OTC: variants seen among roughly 807,000 people sequenced by gnomAD.
OTC encodes ornithine transcarbamylase.
Under a neutral mutation model 30.3 loss-of-function variants are expected in OTC, and 3 were observed. The observed-to-expected ratio is 0.10, with a 90% CI of 0.05 to 0.26. OTC has a LOEUF of 0.26. Ranked by LOEUF, OTC falls within the 10% of genes least tolerant of loss-of-function variation. The probability of loss-of-function intolerance (pLI) is 1.00; values close to 1 mark genes in which losing one functional copy is unlikely to be tolerated. For missense variants in OTC, 194 were observed against 260.3 expected (o/e 0.75, Z 1.75); for synonymous variants, 111 against 99.7 (o/e 1.11, Z -0.67).
intron 2 of OTC, 43 bp downstream of exon 2, chrX:38,367,472 C>T: frequency 8.9e-7 from 1 of 1,125,934 alleles, no homozygotes; most frequent in Non-Finnish European, 1.2e-6. Flanking sequence ...TACCAGTCCC[C>T]TTTTTTTAAA....
upstream of OTC, among the ~76,000 whole-genome samples, chrX:38,351,459 T>C (rs2068215523): frequency 9.0e-6 from 1 of 111,613 alleles, no homozygotes; most frequent in Non-Finnish European, 1.9e-5. Context: ...ACCTCTCCTA[T>C]GGGCTTGTAT....
At chrX:38,358,276 AAAG>A (rs2068252194) in intron 1 of OTC, among the ~76,000 whole-genome samples, 1 of 111,106 alleles carries the variant, frequency 9.0e-6, no homozygotes, top group Non-Finnish European at 1.9e-5. Flanking sequence ...AGAAAAAAAA[AAAG>A]GAGGCCTGTG....
intron 1 of OTC, 107 bp downstream of exon 1, chrX:38,352,880 T>C (rs1292370607): frequency 1.7e-6 from 1 of 576,447 alleles, no homozygotes; most frequent in East Asian, 3.5e-5. Flanking sequence ...CACGCTCTGC[T>C]TTACTCTTAT....
chrX:38,402,287 CT>C (rs10713700), intron 5 of OTC, among the ~76,000 whole-genome samples: 51,257 of 110,748 alleles, frequency 0.46, 9,606 homozygotes, highest in African/African-American at 0.7. Context: ...ATGCTTCCCC[CT>C]GGGGCTTTAT....
chrX:38,345,627 G>A, the OTC span, among the ~76,000 whole-genome samples: 5 of 108,998 alleles, frequency 4.6e-5, no homozygotes, highest in South Asian at 4.0e-4. Flanking sequence ...TGCAACCTCC[G>A]CCTCCTGGGT....
chrX:38,340,591 C>G, the OTC span, among the ~76,000 whole-genome samples: 1 of 106,988 alleles, frequency 9.3e-6, no homozygotes, highest in Non-Finnish European at 1.9e-5. Context: ...TTCCTACCCC[C>G]CATAGTATTT....
At chrX:38,402,337 G>T (rs1206544972) in intron 5 of OTC, among the ~76,000 whole-genome samples, 3 of 111,767 alleles carry the variant, frequency 2.7e-5, no homozygotes, top group Non-Finnish European at 5.6e-5. Flanking sequence ...AAAATGAGCT[G>T]TCCTATTCAT....
At chrX:38,335,916 T>G in the OTC span, among the ~76,000 whole-genome samples, 6 of 107,586 alleles carry the variant, frequency 5.6e-5, no homozygotes, top group Admixed American at 9.9e-5. Context: ...CAACTCTGAG[T>G]TTTTTTTTTC....
At chrX:38,396,511 C>T (rs2068457872) in intron 4 of OTC, among the ~76,000 whole-genome samples, 1 of 111,444 alleles carries the variant, frequency 9.0e-6, no homozygotes, top group Non-Finnish European at 1.9e-5. Context: ...CGGTGGCTCA[C>T]GCCTGTAATC....
intron 1 of OTC, among the ~76,000 whole-genome samples, chrX:38,357,198 A>G (rs1396879092): frequency 1.8e-5 from 2 of 112,178 alleles, no homozygotes; most frequent in East Asian, 5.6e-4. Context: ...GCCATTGTTT[A>G]TTCTTAAATC....
Position 38,411,960 on chromosome X carries a change from A to G in OTC, c.966A>G (p.Leu322=). The stretch of plus-strand genomic sequence containing the variant: ...AAGTCTTTTATTCTCCTCGATCACT[A>G]GTGTTCCCAGAGGCAGAAAACAGAA... ...DDEVFYSPRS[L]VFPEAENRKW... Residue 322 remains leucine (L), a synonymous_variant, in exon 9 of 10, where the codon CTA becomes CTG. Coordinates refer to ENST00000039007, the MANE Select transcript of OTC (RefSeq NM_000531.6). The G allele has an allele frequency of 8.3e-7, 1 of 1,209,208 alleles. No homozygotes were observed. Among genetic ancestry groups the G allele is most frequent in the Non-Finnish European group, 1.1e-6 (1 of 893,086 alleles).
the OTC span, among the ~76,000 whole-genome samples, chrX:38,329,909 G>A: frequency 6.6e-4 from 74 of 111,859 alleles, no homozygotes; most frequent in African/African-American, 2.3e-3. Context: ...GGGCTCTTGA[G>A]CCCCTGTGCT....
At chrX:38,331,246 T>C in the OTC span, among the ~76,000 whole-genome samples, 2 of 110,131 alleles carry the variant, frequency 1.8e-5, no homozygotes, top group Non-Finnish European at 3.8e-5. Flanking sequence ...AGGATATAAA[T>C]GTTATCTATA....
chrX:38,400,375 A>T (rs1295445075), intron 4 of OTC, among the ~76,000 whole-genome samples: 2 of 111,699 alleles, frequency 1.8e-5, no homozygotes, highest in Non-Finnish European at 3.8e-5. Context: ...TGAATTTTGT[A>T]AGCACCAGAG....
At chrX:38,344,896 A>T in the OTC span, among the ~76,000 whole-genome samples, 1 of 99,253 alleles carries the variant, frequency 1.0e-5, no homozygotes, top group African/African-American at 3.9e-5. Flanking sequence ...CAATTCAAGT[A>T]AAAAAAAAAA....
At chrX:38,409,151 G>A in intron 8 of OTC, 126 bp downstream of exon 8, 8 of 720,266 alleles carry the variant, frequency 1.1e-5, no homozygotes, top group Non-Finnish European at 1.7e-5. Context: ...CTCACTGACT[G>A]TATCCCCTAG....
intron 3 of OTC, among the ~76,000 whole-genome samples, chrX:38,380,142 GA>G (rs779949123): frequency 8.9e-5 from 10 of 111,744 alleles, no homozygotes; most frequent in African/African-American, 2.9e-4. Context: ...CAAAAATAAT[GA>G]TTCCTTAATA....
chrX:38,422,241 A>G (rs934056930), downstream of OTC, among the ~76,000 whole-genome samples: 2 of 112,320 alleles, frequency 1.8e-5, no homozygotes, highest in African/African-American at 6.5e-5. Flanking sequence ...TGAATTACAA[A>G]TTAGATTTGC....
chrX:38,346,301 A>G, the OTC span, among the ~76,000 whole-genome samples: 1 of 112,044 alleles, frequency 8.9e-6, no homozygotes, highest in Admixed American at 9.5e-5. Flanking sequence ...TGCAATACCA[A>G]ATGCTGGAAA....
Sources: allele counts gnomAD v4.1 joint callset (sites outside exome capture counted in the v4.1 genomes callset), GRCh38; gene constraint gnomAD v4.1.1; transcripts MANE v1.5; gene names NCBI Gene and HGNC (gene_info 2026-07-23, HGNC 2026-07-21).